Variants in CAMK1D observed in about 807,000 individuals in gnomAD.
CAMK1D encodes calcium/calmodulin-dependent protein kinase type 1D.
CAMK1D carries 9 observed loss-of-function variants against 47.7 expected under a neutral mutation model. That is an observed-to-expected ratio of 0.19 (90% CI 0.11 to 0.33). CAMK1D has a LOEUF of 0.33. CAMK1D is among the 10% of genes least tolerant of loss of function. CAMK1D has a pLI of 1.00. For synonymous variants in CAMK1D, 184 were observed against 184.9 expected (o/e 0.99, Z 0.04); for missense variants, 291 against 488.7 (o/e 0.60, Z 3.81).
rs541330329 is a variant in CAMK1D, at chr10:12,748,827, C to G, written c.300-12121C>G. Among the ~76,000 whole-genome samples the G allele has an allele frequency of 4.8e-4, 73 of 152,242 alleles. No homozygotes were observed. In the Middle Eastern group the frequency reaches 0.014, roughly 28 times the overall value. ...GCCTGAGACAGGAGGATTGCTTGAG[C>G]CTAGGAGTTCAAGGCTGCAGTGAGC... On this transcript the variant is annotated intron_variant, in intron 3 of 10. Coordinates refer to ENST00000619168, the MANE Select transcript of CAMK1D (RefSeq NM_153498.4).
intron 5 of CAMK1D, among the ~76,000 whole-genome samples, chr10:12,777,157 C>T (rs1408278124): frequency 1.3e-5 from 2 of 152,102 alleles, no homozygotes; most frequent in Non-Finnish European, 2.9e-5. Context: ...AGAGCTGAGT[C>T]CTGGGGACAT....
intron 1 of CAMK1D, among the ~76,000 whole-genome samples, chr10:12,534,005 C>G (rs1835888699): frequency 6.6e-6 from 1 of 152,150 alleles, no homozygotes; most frequent in African/African-American, 2.4e-5. Flanking sequence ...AACCCCTTTG[C>G]AAGAGTTCTT....
At chr10:12,418,781 T>G (rs1839942276) in intron 1 of CAMK1D, among the ~76,000 whole-genome samples, 1 of 152,122 alleles carries the variant, frequency 6.6e-6, no homozygotes, top group Admixed American at 6.5e-5. Flanking sequence ...ACTTGATCAG[T>G]CAGTTGAGCA....
chr10:12,833,916 T>TAAAAAAAA lies in CAMK1D; in HGVS notation c.*5044_*5051dup, dbSNP rs72457518. ...CCAGACCAAACACTGTTCAGTTTGT[T>TAAAAAAAA]AAAAAAAAAAAAAAAAAAAAAAGAT... On this transcript the variant is annotated 3_prime_UTR_variant, in exon 11 of 11. Coordinates refer to ENST00000619168, the MANE Select transcript of CAMK1D (RefSeq NM_153498.4). The TAAAAAAAA allele has an allele frequency of 8.4e-6, 1 of 119,418 alleles. No homozygotes were observed. The highest frequency in any genetic ancestry group is 2.6e-4 in the East Asian group (1 of 3,918). 7.4% of individuals were successfully genotyped at this position (119,418 alleles called of 1,614,324 possible). A position where few individuals can be genotyped will look rare whatever the true frequency, so the allele number is the denominator to read the frequency against.
chr10:12,394,008 C>G (rs79519525), intron 1 of CAMK1D, among the ~76,000 whole-genome samples: 2,632 of 152,296 alleles, frequency 0.017, 82 homozygotes, highest in African/African-American at 0.06. Context: ...GCTCCCGACA[C>G]CCCCTCCGCT....
intron 2 of CAMK1D, among the ~76,000 whole-genome samples, chr10:12,632,092 G>A (rs1297228562): frequency 6.6e-6 from 1 of 152,238 alleles, no homozygotes; most frequent in African/African-American, 2.4e-5. Context: ...TTGATGGGCA[G>A]TGTCTCCACC....
chr10:12,592,948 T>G (rs575464046), intron 2 of CAMK1D, among the ~76,000 whole-genome samples: 3 of 152,300 alleles, frequency 2.0e-5, no homozygotes, highest in South Asian at 4.1e-4. Flanking sequence ...ACATACCTCT[T>G]AAATGTCACT....
intron 3 of CAMK1D, among the ~76,000 whole-genome samples, chr10:12,675,870 C>T (rs918615743): frequency 1.3e-5 from 2 of 152,204 alleles, no homozygotes; most frequent in African/African-American, 4.8e-5. Flanking sequence ...CTCAAACATA[C>T]CAGGCCAGTA....
chr10:12,826,347 A>G (rs1833208369), intron 10 of CAMK1D, among the ~76,000 whole-genome samples: 1 of 152,208 alleles, frequency 6.6e-6, no homozygotes, highest in Admixed American at 6.5e-5. Flanking sequence ...GAGCCTCAGG[A>G]CAGCCTCCTG....
At chr10:12,797,599 A>C (rs1176464849) in intron 6 of CAMK1D, among the ~76,000 whole-genome samples, 2 of 152,060 alleles carry the variant, frequency 1.3e-5, no homozygotes, top group Admixed American at 6.5e-5. Context: ...CCAGCATCGT[A>C]GTTTGATTAC....
At chr10:12,799,629 A>G (rs1300511064) in intron 6 of CAMK1D, among the ~76,000 whole-genome samples, 2 of 152,158 alleles carry the variant, frequency 1.3e-5, no homozygotes, top group Non-Finnish European at 2.9e-5. Flanking sequence ...ACCCCTCGTG[A>G]GAACTAACTC....
At chr10:12,825,383 G>C (rs1169027016) in intron 9 of CAMK1D, among the ~76,000 whole-genome samples, 190 bp from the exon 10 acceptor site, 5 of 152,032 alleles carry the variant, frequency 3.3e-5, no homozygotes, top group Admixed American at 6.5e-5. Context: ...ATATTTAGTT[G>C]GGGAAAGGGG....
At chr10:12,535,572 A>C (rs1835943389) in intron 1 of CAMK1D, among the ~76,000 whole-genome samples, 1 of 151,882 alleles carries the variant, frequency 6.6e-6, no homozygotes, top group African/African-American at 2.4e-5. Context: ...CATTCCTAGG[A>C]CCCCTGGGCC....
chr10:12,704,302 C>T (rs1833647035), intron 3 of CAMK1D, among the ~76,000 whole-genome samples: 1 of 152,174 alleles, frequency 6.6e-6, no homozygotes, highest in Non-Finnish European at 1.5e-5. Flanking sequence ...TTACAGTCAG[C>T]AGGCTGCCAT....
chr10:12,532,511 C>T (rs1042378418), intron 1 of CAMK1D, among the ~76,000 whole-genome samples: 11 of 152,196 alleles, frequency 7.2e-5, no homozygotes, highest in Non-Finnish European at 1.5e-4. Context: ...GATCTCCTGA[C>T]CTCGTGATCC....
chr10:12,386,233 G>A (rs1343491772), intron 1 of CAMK1D, among the ~76,000 whole-genome samples: 1 of 152,190 alleles, frequency 6.6e-6, no homozygotes, highest in Non-Finnish European at 1.5e-5. Flanking sequence ...GAGCTCAGAA[G>A]TTCAAGACTA....
chr10:12,593,209 A>G (rs1275218842), intron 2 of CAMK1D, among the ~76,000 whole-genome samples: 1 of 152,214 alleles, frequency 6.6e-6, no homozygotes, highest in African/African-American at 2.4e-5. Context: ...TTGTAGTTTA[A>G]CGAACCCGTT....
At chr10:12,646,872 C>A (rs1839824139) in intron 2 of CAMK1D, among the ~76,000 whole-genome samples, 1 of 152,012 alleles carries the variant, frequency 6.6e-6, no homozygotes, top group Admixed American at 6.5e-5. Context: ...TGCAGAGTCT[C>A]ACTCTGTCAC....
chr10:12,468,083 TCTCA>T (rs1216906477), intron 1 of CAMK1D, among the ~76,000 whole-genome samples: 1 of 152,092 alleles, frequency 6.6e-6, no homozygotes, highest in Non-Finnish European at 1.5e-5. Context: ...TGAGACAGGG[TCTCA>T]CTCTGTCACT....
Sources: allele counts gnomAD v4.1 joint callset (sites outside exome capture counted in the v4.1 genomes callset), GRCh38; gene constraint gnomAD v4.1.1; transcripts MANE v1.5; gene names NCBI Gene and HGNC (gene_info 2026-07-23, HGNC 2026-07-21).